Variants in PARD3B observed in about 807,000 individuals in gnomAD.
PARD3B encodes partitioning defective 3 homolog B.
Under a neutral mutation model 130.2 loss-of-function variants are expected in PARD3B, and 103 were observed. The ratio of observed to expected loss-of-function variants is 0.79; its 90% CI spans 0.67 to 0.93. The LOEUF is 0.93. PARD3B is among the 40% of genes least tolerant of loss of function. The probability of loss-of-function intolerance (pLI) is 0.00; values close to 1 mark genes in which losing one functional copy is unlikely to be tolerated. For missense variants in PARD3B, 1,609 were observed against 1,499.2 expected (o/e 1.07, Z -1.21); for synonymous variants, 583 against 553.2 (o/e 1.05, Z -0.76).
In PARD3B at chr2:205,550,976, TAC is replaced by T. The variant is rs201422555; in HGVS notation, c.3181-2322_3181-2321del. ...ATGTGTATATATATATATATATATA[TAC>T]ACACACACACACACACACACACACA... On this transcript the variant is annotated intron_variant, in intron 21 of 22. Transcript: ENST00000406610. This position sits in a 1 kb window ranked among gnomAD's most constrained non-coding sequence, Gnocchi z 4.5. Among the ~76,000 whole-genome samples the T allele has an allele frequency of 0.038, 4,759 of 125,416 alleles. 307 individuals are homozygous for T. Among genetic ancestry groups the T allele is most frequent in the African/African-American group, 0.13 (4,067 of 32,164 alleles). The allele number at this position is 125,416 out of a possible 152,430, so 82.3% of individuals were successfully genotyped here.
At chr2:205,164,438 G>T (rs2034683584) in intron 11 of PARD3B, among the ~76,000 whole-genome samples, 1 of 152,012 alleles carries the variant, frequency 6.6e-6, no homozygotes, top group Non-Finnish European at 1.5e-5. Flanking sequence ...TGTGCTCTAG[G>T]CCTGGGCAAC....
chr2:205,166,958 G>A (rs1303990086), intron 11 of PARD3B, among the ~76,000 whole-genome samples: 2 of 152,168 alleles, frequency 1.3e-5, no homozygotes, highest in Admixed American at 6.5e-5. Flanking sequence ...GACTAATGTG[G>A]ACTGGCCTTG....
chr2:205,424,888 T>C (rs2106107109), intron 19 of PARD3B, among the ~76,000 whole-genome samples: 1 of 152,312 alleles, frequency 6.6e-6, no homozygotes, highest in South Asian at 2.1e-4. Flanking sequence ...TGCTTTCTGC[T>C]TTGGTCTGTG....
Position 204,673,722 on chromosome 2 carries a change from C to T in PARD3B, c.121-12459C>T, listed in dbSNP as rs928958083. On this transcript the variant is annotated intron_variant, in intron 1 of 22. Transcript: ENST00000406610. The surrounding 1 kb of genome is among the most constrained non-coding windows in gnomAD (Gnocchi z 4.7). The stretch of plus-strand genomic sequence containing the variant: ...CTCCTCATCCTACTGTATTTTATCT[C>T]TCAAATTGCTTATCACTTACTAACA... Among the ~76,000 whole-genome samples, 7 of 152,194 alleles carry T rather than the reference C, an allele frequency of 4.6e-5. No individual in the cohort carries two copies. The highest frequency in any genetic ancestry group is 1.7e-4 in the African/African-American group (7 of 41,458).
At chr2:204,985,634 AG>A (rs1209146712) in intron 3 of PARD3B, among the ~76,000 whole-genome samples, 1 of 152,164 alleles carries the variant, frequency 6.6e-6, no homozygotes, top group African/African-American at 2.4e-5. Context: ...TCAGTGGCAG[AG>A]GGCCCACCTC....
rs537055532 is a variant in PARD3B at position 205,259,701 on chromosome 2, C to T, written c.2185+13879C>T. 7.2e-5 allele frequency among the ~76,000 whole-genome samples: 11 copies of T among 152,194 alleles called. No homozygotes were observed. In the South Asian group the frequency reaches 2.3e-3, roughly 32 times the overall value. On this transcript the variant is annotated intron_variant, in intron 16 of 22. Coordinates refer to ENST00000406610, the MANE Select transcript of PARD3B (RefSeq NM_001302769.2). Reference sequence around the variant, plus strand: ...CTATTTAGTAAAATGATTTTTAGGCCATACTCTCTCAACTGTATGTGTTAA... The same window carrying T: ...CTATTTAGTAAAATGATTTTTAGGCTATACTCTCTCAACTGTATGTGTTAA...
chr2:205,497,011 G>A (rs927798531), intron 20 of PARD3B, among the ~76,000 whole-genome samples: 4 of 151,948 alleles, frequency 2.6e-5, no homozygotes, highest in African/African-American at 4.8e-5. Context: ...TGGTCATCTC[G>A]TATTACTCAA....
chr2:204,839,687 G>A (rs2125585134), intron 2 of PARD3B, among the ~76,000 whole-genome samples: 1 of 152,192 alleles, frequency 6.6e-6, no homozygotes, highest in Admixed American at 6.5e-5. Flanking sequence ...GACAACAAAT[G>A]CAGGGAGGAA....
At chr2:205,050,753 C>A (rs1384543607) in intron 4 of PARD3B, among the ~76,000 whole-genome samples, 2 of 149,812 alleles carry the variant, frequency 1.3e-5, no homozygotes, top group African/African-American at 4.9e-5. Flanking sequence ...GCTGAAAATT[C>A]TATTTGTGGT....
chr2:205,476,229 T>C (rs952218459), intron 20 of PARD3B, among the ~76,000 whole-genome samples: 3 of 152,214 alleles, frequency 2.0e-5, no homozygotes, highest in African/African-American at 7.2e-5. Context: ...TCGGAATGCA[T>C]GTAGGGTGAG....
chr2:204,632,823 G>A (rs1317718233), intron 1 of PARD3B, among the ~76,000 whole-genome samples: 3 of 152,282 alleles, frequency 2.0e-5, no homozygotes, highest in East Asian at 1.9e-4. Context: ...TTCATTCTCC[G>A]TGGGTCAAGG....
At chr2:204,789,089 C>T (rs1248912482) in intron 2 of PARD3B, among the ~76,000 whole-genome samples, 1 of 152,128 alleles carries the variant, frequency 6.6e-6, no homozygotes, top group Non-Finnish European at 1.5e-5. Flanking sequence ...CAGGGCCTCT[C>T]TCTGTCATCC....
At chr2:204,786,892 A>G (rs925724863) in intron 2 of PARD3B, among the ~76,000 whole-genome samples, 4 of 151,958 alleles carry the variant, frequency 2.6e-5, no homozygotes, top group Non-Finnish European at 4.4e-5. Flanking sequence ...GAAAAATATC[A>G]ATAAAACTAA....
chr2:205,217,697 T>TAC (rs2037986481), intron 15 of PARD3B, among the ~76,000 whole-genome samples: 1 of 150,892 alleles, frequency 6.6e-6, no homozygotes, highest in Non-Finnish European at 1.5e-5. Context: ...TTTATATATA[T>TAC]ACACACATAC....
At chr2:205,545,286 G>T (rs2052335230) in intron 21 of PARD3B, among the ~76,000 whole-genome samples, 2 of 152,150 alleles carry the variant, frequency 1.3e-5, no homozygotes, top group African/African-American at 4.8e-5. Flanking sequence ...CTTAATATTA[G>T]AAGATGCTGA....
At chr2:204,624,530 G>C (rs539995561) in intron 1 of PARD3B, among the ~76,000 whole-genome samples, 1 of 152,260 alleles carries the variant, frequency 6.6e-6, no homozygotes, top group East Asian at 1.9e-4. Context: ...ATTCATTGCA[G>C]CATTTTTCAC....
chr2:205,337,005 A>G (rs963187335), intron 18 of PARD3B, among the ~76,000 whole-genome samples: 1 of 151,218 alleles, frequency 6.6e-6, no homozygotes, highest in African/African-American at 2.4e-5. Flanking sequence ...AATCTAACCT[A>G]ACCTTTTCTA....
At chr2:205,135,311 T>TG (rs1294593749) in intron 10 of PARD3B, among the ~76,000 whole-genome samples, 1 of 152,230 alleles carries the variant, frequency 6.6e-6, no homozygotes, top group Non-Finnish European at 1.5e-5. Flanking sequence ...TCAGTACATT[T>TG]GTTAAGGTAC....
intron 2 of PARD3B, among the ~76,000 whole-genome samples, chr2:204,807,989 GATA>G (rs2125516383): frequency 6.6e-6 from 1 of 152,054 alleles, no homozygotes; most frequent in South Asian, 2.1e-4. Context: ...ACAAAGAAAT[GATA>G]ATTGCTTCAG....
Sources: gnomAD v4.1 joint callset for allele counts (sites outside exome capture counted in the v4.1 genomes callset) on GRCh38, gnomAD v4.1.1 for gene constraint, Gnocchi (gnomAD v3.1) non-coding constraint, MANE v1.5 for transcripts, NCBI Gene and HGNC (gene_info 2026-07-23, HGNC 2026-07-21) for gene names.